ATRNL1: variants seen among roughly 807,000 people sequenced by gnomAD.
ATRNL1 encodes attractin-like protein 1.
Under a neutral mutation model 182.7 loss-of-function variants are expected in ATRNL1, and 95 were observed. The observed-to-expected ratio is 0.52, with a 90% CI of 0.44 to 0.62. The LOEUF (loss-of-function observed/expected upper bound fraction) is 0.62. Ranked by LOEUF, ATRNL1 falls within the 20% of genes least tolerant of loss-of-function variation. The pLI, the probability that ATRNL1 is intolerant of heterozygous loss-of-function variation, is 0.00. For missense variants in ATRNL1, 1,471 were observed against 1,679.5 expected (o/e 0.88, Z 2.17); for synonymous variants, 576 against 568.3 (o/e 1.01, Z -0.19).
chr10:115,333,993 G>C (rs916084109), intron 18 of ATRNL1, among the ~76,000 whole-genome samples: 1 of 151,976 alleles, frequency 6.6e-6, no homozygotes, highest in Non-Finnish European at 1.5e-5. Context: ...AATTTTTAAG[G>C]ATTATGCTAA....
chr10:115,134,516 C>T (rs1490411353), intron 5 of ATRNL1, among the ~76,000 whole-genome samples: 3 of 152,164 alleles, frequency 2.0e-5, no homozygotes, highest in East Asian at 3.9e-4. Flanking sequence ...AGACCAAAAA[C>T]AGGCTCTGAA....
At chr10:115,512,689 G>A (rs1359395578) in intron 24 of ATRNL1, among the ~76,000 whole-genome samples, 1 of 151,794 alleles carries the variant, frequency 6.6e-6, no homozygotes, top group Non-Finnish European at 1.5e-5. Context: ...TTTTAGTGGG[G>A]AAAAGACATT....
At chr10:115,670,339 A>G (rs1555041003) in intron 26 of ATRNL1, among the ~76,000 whole-genome samples, 1 of 152,158 alleles carries the variant, frequency 6.6e-6, no homozygotes, top group Non-Finnish European at 1.5e-5. Flanking sequence ...TGCTCATTTA[A>G]TTAGTTCCAG....
chr10:115,173,860 A>G (rs1847387698), intron 8 of ATRNL1, among the ~76,000 whole-genome samples: 1 of 147,818 alleles, frequency 6.8e-6, no homozygotes, highest in African/African-American at 2.5e-5. Context: ...AAAAAAATGT[A>G]TTTCTTGCAT....
intron 28 of ATRNL1, among the ~76,000 whole-genome samples, chr10:115,897,821 T>C (rs1952246551): frequency 6.6e-6 from 1 of 152,218 alleles, no homozygotes; most frequent in Non-Finnish European, 1.5e-5. Flanking sequence ...CATAAATTTG[T>C]TTCTTCTTTG....
rs188312581 is a variant in ATRNL1 at position 115,493,762 on chromosome 10, A to G, written c.3654+24433A>G. ...GTATAAGTTTTCTCTTTTCTCTGCA[A>G]CCTTACTAGCTTCTGTTATTATTTG... is the stretch of plus-strand genomic sequence containing the variant. On this transcript the variant is annotated intron_variant, in intron 24 of 28. Transcript: ENST00000355044. 2.6e-5 allele frequency among the ~76,000 whole-genome samples: 4 copies of G among 152,302 alleles called. No homozygotes were observed. In the East Asian group the frequency reaches 7.7e-4, roughly 29 times the overall value.
intron 5 of ATRNL1, among the ~76,000 whole-genome samples, chr10:115,159,667 T>C (rs1261750038): frequency 6.7e-6 from 1 of 149,186 alleles, no homozygotes; most frequent in Non-Finnish European, 1.5e-5. Context: ...TTTGTGTAGA[T>C]GGAGGCTTGA....
chr10:115,877,593 T>C (rs1951729215), intron 28 of ATRNL1, among the ~76,000 whole-genome samples: 1 of 152,210 alleles, frequency 6.6e-6, no homozygotes, highest in Non-Finnish European at 1.5e-5. Flanking sequence ...TACACTGATG[T>C]TTAAATATTT....
intron 7 of ATRNL1, among the ~76,000 whole-genome samples, chr10:115,169,967 A>G (rs916160337): frequency 1.3e-5 from 2 of 152,112 alleles, no homozygotes; most frequent in African/African-American, 2.4e-5. Context: ...TGGAAATACA[A>G]TTTACTTTTT....
intron 26 of ATRNL1, among the ~76,000 whole-genome samples, chr10:115,664,422 G>A (rs553151968): frequency 6.8e-4 from 103 of 152,224 alleles, no homozygotes; most frequent in Admixed American, 2.0e-3. Context: ...GTAGGCTTTT[G>A]ATAATTTCTA....
chr10:115,446,761 G>GAAA, intron 21 of ATRNL1, among the ~76,000 whole-genome samples: 1 of 151,984 alleles, frequency 6.6e-6, no homozygotes, highest in Non-Finnish European at 1.5e-5. Context: ...CAAAAAGTGA[G>GAAA]AAGTGTAAAT....
At chr10:115,521,758 A>T (rs1554985265) in intron 25 of ATRNL1, among the ~76,000 whole-genome samples, 1 of 152,192 alleles carries the variant, frequency 6.6e-6, no homozygotes, top group East Asian at 1.9e-4. Flanking sequence ...GTTTTTTGTC[A>T]TTTAAATTCT....
chr10:115,106,017 C>T (rs1843994833), intron 1 of ATRNL1, among the ~76,000 whole-genome samples: 1 of 152,154 alleles, frequency 6.6e-6, no homozygotes, highest in African/African-American at 2.4e-5. Context: ...GCTCCTACAC[C>T]TTGCACCATG....
intron 28 of ATRNL1, among the ~76,000 whole-genome samples, chr10:115,936,186 C>T (rs1232785670): frequency 3.9e-5 from 6 of 152,216 alleles, no homozygotes; most frequent in Non-Finnish European, 8.8e-5. Flanking sequence ...TGACTTCAAG[C>T]TTCTCACTTG....
intron 19 of ATRNL1, among the ~76,000 whole-genome samples, chr10:115,383,951 C>A (rs1858182147): frequency 6.6e-6 from 1 of 151,812 alleles, no homozygotes; most frequent in African/African-American, 2.4e-5. Flanking sequence ...GACTTGATAT[C>A]AACTGAGAAG....
At chr10:115,236,859 G>A (rs1034357403) in intron 9 of ATRNL1, among the ~76,000 whole-genome samples, 31 of 152,042 alleles carry the variant, frequency 2.0e-4, no homozygotes, top group Non-Finnish European at 4.0e-4. Context: ...ATTTCATACA[G>A]AATATTTTAA....
intron 27 of ATRNL1, among the ~76,000 whole-genome samples, chr10:115,801,179 T>C (rs1490220202): frequency 1.3e-5 from 2 of 152,178 alleles, no homozygotes; most frequent in East Asian, 3.9e-4. Flanking sequence ...TTCCGTTCAT[T>C]AGTGACTCAG....
intron 1 of ATRNL1, 125 bp from the exon 2 acceptor site, chr10:115,120,060 C>A (rs1844658929): frequency 7.0e-6 from 4 of 574,062 alleles, no homozygotes; most frequent in South Asian, 6.9e-5. Flanking sequence ...GTAAATAAAT[C>A]CTCCTTTTTG....
intron 26 of ATRNL1, among the ~76,000 whole-genome samples, chr10:115,569,941 T>A (rs1414640): frequency 0.3 from 44,972 of 151,936 alleles, 7,797 homozygotes; most frequent in East Asian, 0.68. Flanking sequence ...AGGGGCTATT[T>A]CCTGATTCAT....
Sources: allele counts gnomAD v4.1 joint callset (sites outside exome capture counted in the v4.1 genomes callset), GRCh38; gene constraint gnomAD v4.1.1; transcripts MANE v1.5; gene names NCBI Gene and HGNC (gene_info 2026-07-23, HGNC 2026-07-21).